Variants in SIPA1L2 observed in about 807,000 individuals in gnomAD.
SIPA1L2 encodes the protein signal-induced proliferation-associated 1-like protein 2.
A neutral mutation model predicts 163.9 loss-of-function variants in SIPA1L2; 56 were observed. The ratio of observed to expected loss-of-function variants is 0.34; its 90% confidence interval spans 0.28 to 0.43. SIPA1L2 has a LOEUF of 0.43. SIPA1L2 is among the 20% of genes least tolerant of loss of function. The pLI is 1.00. For synonymous variants in SIPA1L2, 877 were observed against 865.7 expected, an observed-to-expected ratio of 1.01 and a Z score of -0.23; for missense variants, 1,974 against 2,193.5, an observed-to-expected ratio of 0.90 and a Z score of 2.00.
chr1:232,442,427 A>T (rs578135162), intron 12 of SIPA1L2, among the ~76,000 whole-genome samples: 48 of 151,858 alleles, frequency 3.2e-4, no homozygotes, highest in Non-Finnish European at 6.8e-4. Context: ...GAGCGCCTGT[A>T]ATCCCAGCTA....
intron 10 of SIPA1L2, among the ~76,000 whole-genome samples, chr1:232,460,279 CT>C (rs1316306026): frequency 6.6e-6 from 1 of 152,146 alleles, no homozygotes; most frequent in Non-Finnish European, 1.5e-5. Flanking sequence ...AGCCCTCCAC[CT>C]ATCCGCCTCT....
intron 1 of SIPA1L2, among the ~76,000 whole-genome samples, chr1:232,592,709 T>C (rs1661027138): frequency 6.7e-6 from 1 of 150,144 alleles, no homozygotes; most frequent in Non-Finnish European, 1.5e-5. Context: ...AACCTTTCCA[T>C]AAAGAACCTT....
At chr1:232,584,181 T>C (rs1273160190) in intron 1 of SIPA1L2, among the ~76,000 whole-genome samples, 1 of 152,146 alleles carries the variant, frequency 6.6e-6, no homozygotes, top group Non-Finnish European at 1.5e-5. Context: ...CAGGCCTTGC[T>C]GGGCTTCCCC....
rs1343878612 is a variant in SIPA1L2, at chr1:232,445,668, G to C, written c.3214C>G (p.Pro1072Ala). 6.2e-6 allele frequency: 10 copies of C among 1,613,502 alleles called. No homozygotes were observed. In the Admixed American group the frequency reaches 1.2e-4, roughly 19 times the overall value. ...RNTTWHRVPT[P>A]ALQPLSRASP... Reference sequence around the variant, plus strand: ...GCTCTAGAGAGGGGCTGCAGGGCAGGAGTGGGCACCCGGTGCCACGTGGTG... The same window carrying C: ...GCTCTAGAGAGGGGCTGCAGGGCAGCAGTGGGCACCCGGTGCCACGTGGTG... The change falls in exon 11 of 23, where the codon CCT becomes GCT. Residue 1072 changes from proline (P) to alanine (A), a missense_variant. Around this residue, in one of 3 missense-constraint regions of SIPA1L2, gnomAD observed 1,079 missense variants for 1,150.7 expected, o/e 0.94. Coordinates refer to ENST00000674635, the MANE Select transcript of SIPA1L2 (RefSeq NM_020808.5).
chr1:232,467,398 A>G (rs1037755153), intron 8 of SIPA1L2, among the ~76,000 whole-genome samples: 3 of 152,178 alleles, frequency 2.0e-5, no homozygotes, highest in Non-Finnish European at 2.9e-5. Flanking sequence ...AGGGATCTAC[A>G]TCAGGTGTGG....
chr1:232,447,410 A>G (rs1217609943), intron 10 of SIPA1L2, among the ~76,000 whole-genome samples: 5 of 152,186 alleles, frequency 3.3e-5, no homozygotes, highest in Admixed American at 6.5e-5. Flanking sequence ...AGTCTGACCC[A>G]CATCTCAACT....
chr1:232,580,415 C>T (rs1368666008), intron 1 of SIPA1L2, among the ~76,000 whole-genome samples: 2 of 152,146 alleles, frequency 1.3e-5, no homozygotes, highest in Admixed American at 1.3e-4. Flanking sequence ...CATCCTGTGA[C>T]TAAGAATGTC....
intron 6 of SIPA1L2, among the ~76,000 whole-genome samples, chr1:232,480,154 C>CAT (rs1553296470): frequency 7.5e-6 from 1 of 132,740 alleles, no homozygotes; most frequent in Non-Finnish European, 1.6e-5. Context: ...TGTGTGTGTG[C>CAT]GTGTGTGTGT....
At chr1:232,521,569 T>C (rs1667461363) in intron 2 of SIPA1L2, among the ~76,000 whole-genome samples, 1 of 152,218 alleles carries the variant, frequency 6.6e-6, no homozygotes, top group African/African-American at 2.4e-5. Flanking sequence ...TCACAGTCAC[T>C]GCTTCTACTC....
intron 3 of SIPA1L2, among the ~76,000 whole-genome samples, chr1:232,497,491 C>G (rs926583669): frequency 6.6e-6 from 1 of 152,184 alleles, no homozygotes; most frequent in East Asian, 1.9e-4. Flanking sequence ...CCTTCTCTCT[C>G]ATTACTGTTT....
rs1666037845 is a variant in SIPA1L2 at position 232,493,594 on chromosome 1, T to C, written c.1550A>G (p.Lys517Arg). Reference protein sequence around the residue: ...GPVAVSIRREKVEDAKEKEGS... With the variant: ...GPVAVSIRRERVEDAKEKEGS... The stretch of plus-strand genomic sequence containing the variant: ...TTCTTTCTCCTTGGCATCTTCCACC[T>C]TCTCTCTCCGGATGCTGACTGCTAC... The change falls in exon 4 of 23, where the codon AAG (lysine) becomes AGG (arginine). Residue 517 changes from lysine (K) to arginine (R), a missense_variant. Lys to Arg is a conservative substitution (Grantham distance 26). This residue lies in a region of SIPA1L2 where 288 missense variants were observed against 418.9 expected (regional missense o/e 0.69). Transcript: ENST00000674635. The C allele has an allele frequency of 6.2e-7, 1 of 1,614,136 alleles. No individual in the cohort carries two copies. The highest frequency in any genetic ancestry group is 8.5e-7 in the Non-Finnish European group (1 of 1,180,018).
intron 5 of SIPA1L2, among the ~76,000 whole-genome samples, chr1:232,487,859 C>T (rs2357072): frequency 0.25 from 38,165 of 151,456 alleles, 4,938 homozygotes; most frequent in Admixed American, 0.35. Context: ...GGTTACATGA[C>T]AAACCAGGAT....
Position 232,626,230 on chromosome 1 carries a change from CT to C in SIPA1L2, c.-319+3638del, listed in dbSNP as rs56703620. Among the ~76,000 whole-genome samples, 632 of 133,670 alleles carry C rather than the reference CT, an allele frequency of 4.7e-3. 2 individuals are homozygous for C. The highest frequency in any genetic ancestry group is 0.013 in the African/African-American group (457 of 35,254). 87.7% of individuals were successfully genotyped at this position (133,670 alleles called of 152,430 possible). On this transcript the variant is annotated intron_variant, in intron 1 of 22. Coordinates refer to ENST00000674635, the MANE Select transcript of SIPA1L2 (RefSeq NM_020808.5). The stretch of plus-strand genomic sequence containing the variant: ...CATATCTGACAATCCCTAATATTTG[CT>C]TTTTTTTTTTTTTTTCATTTTACAG...
chr1:232,454,620 T>C (rs1359572607), intron 10 of SIPA1L2, among the ~76,000 whole-genome samples: 2 of 152,214 alleles, frequency 1.3e-5, no homozygotes, highest in Admixed American at 6.5e-5. Context: ...GGCTGTCCAC[T>C]ATGGTAGCCA....
chr1:232,434,308 C>T (rs1451946475), intron 15 of SIPA1L2, among the ~76,000 whole-genome samples: 1 of 152,140 alleles, frequency 6.6e-6, no homozygotes, highest in Non-Finnish European at 1.5e-5. Flanking sequence ...TAAACGGACC[C>T]ATTTTCAGGG....
At chr1:232,534,127 T>A (rs56407446) in intron 2 of SIPA1L2, among the ~76,000 whole-genome samples, 1 of 151,912 alleles carries the variant, frequency 6.6e-6, no homozygotes, top group African/African-American at 2.4e-5. Context: ...TCACATTTTC[T>A]GAATATAAAA....
chr1:232,586,481 TGA>T (rs1336464972), intron 1 of SIPA1L2, among the ~76,000 whole-genome samples: 2 of 152,162 alleles, frequency 1.3e-5, no homozygotes, highest in African/African-American at 4.8e-5. Context: ...GACTCCAACC[TGA>T]GTGTTCGAGA....
intron 3 of SIPA1L2, among the ~76,000 whole-genome samples, chr1:232,499,127 T>C (rs1313472192): frequency 1.3e-5 from 2 of 152,112 alleles, no homozygotes; most frequent in African/African-American, 2.4e-5. Flanking sequence ...CACAGTAACA[T>C]TGAAATTAGG....
At chr1:232,418,444 A>C (rs761898785) in intron 18 of SIPA1L2, among the ~76,000 whole-genome samples, 3 of 152,204 alleles carry the variant, frequency 2.0e-5, no homozygotes, top group Non-Finnish European at 4.4e-5. Flanking sequence ...AAAGTTCCTG[A>C]TACGTGGCCA....
Sources: allele counts gnomAD v4.1 joint callset (sites outside exome capture counted in the v4.1 genomes callset), GRCh38; gene constraint gnomAD v4.1.1; regional missense constraint gnomAD v4.1.1; transcripts MANE v1.5; gene names NCBI Gene and HGNC (gene_info 2026-07-23, HGNC 2026-07-21).